MGAT5: variants seen among roughly 807,000 people sequenced by gnomAD.
The protein encoded by MGAT5 is alpha-1,6-mannosylglycoprotein 6-beta-N-acetylglucosaminyltransferase.
MGAT5 carries 30 observed loss-of-function variants against 94.3 expected under a neutral mutation model. The ratio of observed to expected loss-of-function variants is 0.32; its 90% CI spans 0.24 to 0.43. The LOEUF (loss-of-function observed/expected upper bound fraction) is 0.43. Ranked by LOEUF, MGAT5 falls within the 20% of genes least tolerant of loss-of-function variation. The probability of loss-of-function intolerance (pLI) is 1.00; values close to 1 mark genes in which losing one functional copy is unlikely to be tolerated. For missense variants in MGAT5, 691 were observed against 905.5 expected (o/e 0.76, Z 3.04); for synonymous variants, 310 against 322.9 (o/e 0.96, Z 0.43).
In MGAT5 at chr2:134,146,021, C is replaced by G. The variant is rs189978541; in HGVS notation, c.-143+25730C>G. Among the ~76,000 whole-genome samples, 18 of 152,270 alleles carry G rather than the reference C, an allele frequency of 1.2e-4. No individual in the cohort carries two copies. The East Asian group carries it at 2.5e-3, about 21-fold the overall frequency. ...GTTAGCCTGGTCTTTTCTCTGTGAT[C>G]TCTCTCATGAGTTCTTTACTCCAGT... On this transcript the variant is annotated intron_variant, in intron 1 of 16. Coordinates refer to the MGAT5 transcript ENST00000409645.
At chr2:134,163,517 G>A (rs1205247219) in intron 1 of MGAT5, among the ~76,000 whole-genome samples, 1 of 152,192 alleles carries the variant, frequency 6.6e-6, no homozygotes, top group African/African-American at 2.4e-5. Flanking sequence ...GACTGGCTGT[G>A]GTTCTTAAGC....
At chr2:134,134,335 G>T (rs1326198286) in intron 1 of MGAT5, among the ~76,000 whole-genome samples, 3 of 152,146 alleles carry the variant, frequency 2.0e-5, no homozygotes, top group African/African-American at 7.2e-5. Context: ...TCAGTGGAAG[G>T]AGAGAACTCA....
intron 1 of MGAT5, among the ~76,000 whole-genome samples, chr2:134,147,885 A>C (rs1367524737): frequency 6.6e-6 from 1 of 152,250 alleles, no homozygotes; most frequent in African/African-American, 2.4e-5. Context: ...ATAGGGAACA[A>C]ACCAAAGTAA....
intron 10 of MGAT5, among the ~76,000 whole-genome samples, chr2:134,373,548 CT>C (rs1221976995): frequency 1.3e-5 from 2 of 152,156 alleles, no homozygotes; most frequent in Non-Finnish European, 2.9e-5. Flanking sequence ...TAAAATACAG[CT>C]TGTAGGAAAA....
intron 4 of MGAT5, among the ~76,000 whole-genome samples, chr2:134,331,725 T>C (rs1687986430): frequency 6.6e-6 from 1 of 151,328 alleles, no homozygotes; most frequent in African/African-American, 2.4e-5. Flanking sequence ...TGAGAAAGTG[T>C]GAAGGAAGGT....
At chr2:134,317,654 T>C in intron 3 of MGAT5, 49 bp downstream of exon 3, 1 of 1,251,264 alleles carries the variant, frequency 8.0e-7, no homozygotes, top group Non-Finnish European at 1.1e-6. Context: ...CACCCCTTCT[T>C]TTTCCCTTCT....
chr2:134,202,083 A>C (rs1159259166), intron 1 of MGAT5, among the ~76,000 whole-genome samples: 1 of 151,894 alleles, frequency 6.6e-6, no homozygotes, highest in African/African-American at 2.4e-5. Context: ...TCAGTAACTC[A>C]TATCTATCTA....
At chr2:134,336,535 G>A (rs1688344173) in intron 5 of MGAT5, among the ~76,000 whole-genome samples, 2 of 152,060 alleles carry the variant, frequency 1.3e-5, no homozygotes, top group Admixed American at 6.6e-5. Context: ...CCTGGTACGA[G>A]CTGTGGAGGC....
intron 1 of MGAT5, among the ~76,000 whole-genome samples, chr2:134,159,226 G>GTGTGTGT (rs1181895846): frequency 4.3e-5 from 2 of 46,342 alleles, no homozygotes; most frequent in African/African-American, 6.1e-5. Flanking sequence ...TGTGTGTGTG[G>GTGTGTGT]TCCCTGTATT....
chr2:134,319,560 G>A (rs994461488), intron 4 of MGAT5: 1 of 169,468 alleles, frequency 5.9e-6, no homozygotes. Flanking sequence ...CAGTTGCACA[G>A]TGGGAGTGAT....
At chr2:134,416,061 A>C (rs1440134534) in intron 12 of MGAT5, among the ~76,000 whole-genome samples, 1 of 152,148 alleles carries the variant, frequency 6.6e-6, no homozygotes, top group African/African-American at 2.4e-5. Flanking sequence ...TCCATGTTTT[A>C]TGCCCAAATT....
At position 134,453,000 on chromosome 2, in the gene MGAT5, G is replaced by GA. The variant is rs984924265; in HGVS notation, c.*4160dup. On this transcript the variant is annotated 3_prime_UTR_variant, in exon 16 of 16. Transcript: ENST00000281923. Reference sequence around the variant, plus strand: ...AATTAGCTGTAGAGTCTTGAATGCAGAAAAAAATTACCCTAGCTTTCTTAG... The same window carrying GA: ...AATTAGCTGTAGAGTCTTGAATGCAGAAAAAAAATTACCCTAGCTTTCTTAG... 57 of 152,268 alleles carry GA rather than the reference G, an allele frequency of 3.7e-4. 1 individual carries two copies. The highest frequency in any genetic ancestry group is 1.2e-3 in the African/African-American group (51 of 41,566). 9.4% of individuals were successfully genotyped at this position (152,268 alleles called of 1,614,324 possible). A position where few individuals can be genotyped will look rare whatever the true frequency, so the allele number is the denominator to read the frequency against.
chr2:134,235,774 C>A (rs1681609971), intron 1 of MGAT5, among the ~76,000 whole-genome samples: 1 of 147,226 alleles, frequency 6.8e-6, no homozygotes. Context: ...TTTTAATGGG[C>A]TTATAAATCT....
At chr2:134,226,826 A>T (rs1304197423) in intron 1 of MGAT5, among the ~76,000 whole-genome samples, 3 of 152,150 alleles carry the variant, frequency 2.0e-5, no homozygotes, top group Non-Finnish European at 4.4e-5. Flanking sequence ...TGACTAAAAC[A>T]CCAGCAGGGG....
intron 2 of MGAT5, among the ~76,000 whole-genome samples, chr2:134,291,617 G>T (rs1247794401): frequency 6.6e-6 from 1 of 152,168 alleles, no homozygotes; most frequent in African/African-American, 2.4e-5. Flanking sequence ...GACTTGAGAA[G>T]TTCCTTAGCA....
At chr2:134,323,552 C>T (rs933667302) in intron 4 of MGAT5, among the ~76,000 whole-genome samples, 2 of 152,042 alleles carry the variant, frequency 1.3e-5, no homozygotes, top group African/African-American at 4.8e-5. Context: ...AGTCGCTTAT[C>T]CCCAAAGTCC....
At position 134,167,475 on chromosome 2, in the gene MGAT5, C is replaced by T. The variant is rs889387007; in HGVS notation, c.-143+47184C>T. Among the ~76,000 whole-genome samples the T allele has an allele frequency of 4.9e-4, 75 of 152,258 alleles. 1 individual carries two copies. Among genetic ancestry groups the T allele is most frequent in the African/African-American group, 1.7e-3 (71 of 41,536 alleles). On this transcript the variant is annotated intron_variant, in intron 1 of 16. Coordinates refer to the MGAT5 transcript ENST00000409645. Reference sequence around the variant, plus strand: ...AGCGCTGGCCCCATCCCAGAGTTTCCGATTGAGTGGGCCTGTGGCAGGGTC... The same window carrying T: ...AGCGCTGGCCCCATCCCAGAGTTTCTGATTGAGTGGGCCTGTGGCAGGGTC...
chr2:134,361,210 C>T, intron 9 of MGAT5, among the ~76,000 whole-genome samples: 1 of 152,328 alleles, frequency 6.6e-6, no homozygotes, highest in Non-Finnish European at 1.5e-5. Flanking sequence ...TTGTTGACCA[C>T]CTATCTGTGA....
intron 1 of MGAT5, among the ~76,000 whole-genome samples, chr2:134,226,856 A>AT (rs1173367198): frequency 6.6e-6 from 1 of 152,180 alleles, no homozygotes; most frequent in African/African-American, 2.4e-5. Flanking sequence ...TCACACAGGC[A>AT]TGTAAAGCAG....
Sources: allele counts gnomAD v4.1 joint callset (sites outside exome capture counted in the v4.1 genomes callset), GRCh38; gene constraint gnomAD v4.1.1; transcripts MANE v1.5; gene names NCBI Gene and HGNC (gene_info 2026-07-23, HGNC 2026-07-21).